FOXP2: variants seen among roughly 807,000 people sequenced by gnomAD.
FOXP2 encodes the protein forkhead box protein P2.
In FOXP2, 12 loss-of-function variants were observed where a neutral mutation model predicts 115.8. The ratio of observed to expected loss-of-function variants is 0.10; its 90% CI spans 0.07 to 0.17. The LOEUF (loss-of-function observed/expected upper bound fraction) is 0.17, where lower values mean the gene tolerates loss of function less well. Ranked by LOEUF, FOXP2 falls within the 10% of genes least tolerant of loss-of-function variation. FOXP2 has a pLI of 1.00. For missense variants in FOXP2, 629 were observed against 843.5 expected (o/e 0.75, Z 3.15); for synonymous variants, 328 against 297.7 (o/e 1.10, Z -1.05).
intron 1 of FOXP2, among the ~76,000 whole-genome samples, chr7:114,259,752 C>G (rs1795701248): frequency 6.6e-6 from 1 of 151,968 alleles, no homozygotes; most frequent in East Asian, 1.9e-4. Context: ...GATGGGTTTT[C>G]CTGATAATAA....
At chr7:114,304,601 T>C (rs1796960992) in intron 2 of FOXP2, among the ~76,000 whole-genome samples, 1 of 136,298 alleles carries the variant, frequency 7.3e-6, no homozygotes, top group South Asian at 2.3e-4. Flanking sequence ...ACCTAGGATA[T>C]GGAGGTTGCA....
chr7:114,671,926 C>T (rs1807506042), intron 16 of FOXP2, among the ~76,000 whole-genome samples: 1 of 152,128 alleles, frequency 6.6e-6, no homozygotes, highest in South Asian at 2.1e-4. Context: ...ACATTTACCA[C>T]TCACAGAAGT....
chr7:114,666,880 A>C (rs1008005154), intron 16 of FOXP2: 2 of 152,210 alleles, frequency 1.3e-5, no homozygotes, highest in African/African-American at 4.8e-5. Context: ...GATTCTTGCA[A>C]AGAAATGAGT....
At chr7:114,105,930 T>TTG (rs1420816668) in intron 1 of FOXP2, among the ~76,000 whole-genome samples, 1 of 152,072 alleles carries the variant, frequency 6.6e-6, no homozygotes, top group Admixed American at 6.6e-5. Context: ...TTCTCATGAA[T>TTG]TGAGAATCTG....
At chr7:114,518,721 G>T (rs2129267706) in intron 2 of FOXP2, among the ~76,000 whole-genome samples, 1 of 152,212 alleles carries the variant, frequency 6.6e-6, no homozygotes, top group East Asian at 1.9e-4. Context: ...GGCCAAGCTG[G>T]TCTTGAACTC....
At chr7:114,570,568 T>G (rs1255588786) in intron 3 of FOXP2, among the ~76,000 whole-genome samples, 1 of 151,884 alleles carries the variant, frequency 6.6e-6, no homozygotes, top group Admixed American at 6.6e-5. Context: ...TCAGTGGATT[T>G]TTTGGTTATG....
chr7:114,104,381 G>C (rs919974718), intron 1 of FOXP2, among the ~76,000 whole-genome samples: 1 of 151,900 alleles, frequency 6.6e-6, no homozygotes, highest in Non-Finnish European at 1.5e-5. Flanking sequence ...GGGCTGTTGA[G>C]ATATGCATGG....
intron 2 of FOXP2, among the ~76,000 whole-genome samples, chr7:114,304,728 G>A (rs1796969297): frequency 7.0e-6 from 1 of 143,036 alleles, no homozygotes; most frequent in Non-Finnish European, 1.5e-5. Context: ...ATAAATTGAA[G>A]TTCAGATGAT....
At chr7:114,591,794 C>T (rs941481199) in intron 3 of FOXP2, among the ~76,000 whole-genome samples, 1 of 152,024 alleles carries the variant, frequency 6.6e-6, no homozygotes, top group African/African-American at 2.4e-5. Context: ...CATAGGAGGT[C>T]GAGTGTTCTC....
chr7:114,180,539 A>G (rs1397839094), intron 1 of FOXP2, among the ~76,000 whole-genome samples: 1 of 151,946 alleles, frequency 6.6e-6, no homozygotes. Flanking sequence ...CCCTGCTTAA[A>G]TGTCCCATAA....
At chr7:114,661,572 T>C (rs1279187605) in intron 13 of FOXP2, among the ~76,000 whole-genome samples, 1 of 152,132 alleles carries the variant, frequency 6.6e-6, no homozygotes, top group Admixed American at 6.6e-5. Context: ...ACAAACTCTG[T>C]CATTTCATTA....
At chr7:114,343,391 G>C (rs567533577) in intron 2 of FOXP2, among the ~76,000 whole-genome samples, 1 of 151,670 alleles carries the variant, frequency 6.6e-6, no homozygotes, top group South Asian at 2.1e-4. Flanking sequence ...ATTTATGTGG[G>C]ATGAAAACAC....
intron 2 of FOXP2, among the ~76,000 whole-genome samples, chr7:114,334,946 TA>T (rs1464218935): frequency 6.9e-6 from 1 of 144,206 alleles, no homozygotes; most frequent in African/African-American, 2.5e-5. Context: ...TATATATATA[TA>T]TATATATATA....
chr7:114,608,258 C>T (rs1803438605), intron 3 of FOXP2, among the ~76,000 whole-genome samples: 1 of 152,202 alleles, frequency 6.6e-6, no homozygotes, highest in African/African-American at 2.4e-5. Context: ...CAGGATCTCA[C>T]AAGGCTGCAA....
intron 3 of FOXP2, among the ~76,000 whole-genome samples, chr7:114,615,869 C>A (rs1420781658): frequency 1.3e-5 from 2 of 152,166 alleles, no homozygotes; most frequent in Non-Finnish European, 2.9e-5. Flanking sequence ...CCTATCAGTT[C>A]ATGGTCCTTT....
chr7:114,520,781 G>A (rs181257558), intron 2 of FOXP2, among the ~76,000 whole-genome samples: 107 of 152,178 alleles, frequency 7.0e-4, no homozygotes, highest in African/African-American at 2.3e-3. Flanking sequence ...GAATGATAAT[G>A]TATACTATGG....
chr7:114,205,886 C>T (rs1359427289), intron 1 of FOXP2, among the ~76,000 whole-genome samples: 1 of 152,070 alleles, frequency 6.6e-6, no homozygotes, highest in Non-Finnish European at 1.5e-5. Flanking sequence ...GTCCTTCATC[C>T]CAGAAGTGTG....
intron 13 of FOXP2, 106 bp downstream of exon 13, chr7:114,659,779 CT>C: frequency 1.2e-6 from 1 of 846,034 alleles, no homozygotes; most frequent in Non-Finnish European, 2.0e-6. Flanking sequence ...TGCTTCCCCT[CT>C]TTTTAACCTG....
At chr7:114,183,771 A>T (rs1255099015) in intron 1 of FOXP2, among the ~76,000 whole-genome samples, 1 of 152,160 alleles carries the variant, frequency 6.6e-6, no homozygotes, top group Non-Finnish European at 1.5e-5. Flanking sequence ...TCTTAGCTTT[A>T]AAAATAGCTA....
Sources: gnomAD v4.1 joint callset for allele counts (sites outside exome capture counted in the v4.1 genomes callset) on GRCh38, gnomAD v4.1.1 for gene constraint, MANE v1.5 for transcripts, NCBI Gene and HGNC (gene_info 2026-07-23, HGNC 2026-07-21) for gene names.